The following TPRG1 variants were observed in gnomAD, a reference collection of about 807,000 sequenced individuals.
TPRG1 encodes tumor protein p63 regulated 1, also known as tumor protein p63-regulated gene 1 protein.
A neutral mutation model predicts 29.3 loss-of-function variants in TPRG1; 29 were observed. The ratio of observed to expected loss-of-function variants is 0.99; its 90% CI spans 0.74 to 1.35. TPRG1 has a LOEUF of 1.35. Among genes scored for constraint, TPRG1 ranks in the 40% most tolerant of loss-of-function variants. TPRG1 has a pLI of 0.00. For missense variants in TPRG1, 327 were observed against 335.0 expected, an observed-to-expected ratio of 0.98 and a Z score of 0.19; for synonymous variants, 130 against 116.8, an observed-to-expected ratio of 1.11 and a Z score of -0.73.
intron 1 of TPRG1, among the ~76,000 whole-genome samples, chr3:189,117,508 A>T (rs1721318838): frequency 6.6e-6 from 1 of 152,192 alleles, no homozygotes; most frequent in South Asian, 2.1e-4. Flanking sequence ...GATAGAAGAA[A>T]CCAGCACTTT....
intron 3 of TPRG1, among the ~76,000 whole-genome samples, chr3:189,143,673 C>T (rs1208361758): frequency 6.6e-6 from 1 of 152,186 alleles, no homozygotes; most frequent in Non-Finnish European, 1.5e-5. Flanking sequence ...ATCCCTTGGT[C>T]TTTTACTCAG....
chr3:189,236,955 G>T (rs1739573522), intron 3 of TPRG1, among the ~76,000 whole-genome samples: 3 of 152,160 alleles, frequency 2.0e-5, no homozygotes, highest in Admixed American at 6.5e-5. Flanking sequence ...AATAGTAACA[G>T]CTAACTTATA....
Position 189,323,902 on chromosome 3 carries a change from C to T in TPRG1, c.*3082C>T, listed in dbSNP as rs1021201379. 3 of 152,134 alleles carry T rather than the reference C, an allele frequency of 2.0e-5. No individual in the cohort carries two copies. The allele number at this position is 152,134 out of a possible 1,614,324, so 9.4% of individuals were successfully genotyped here. A position where few individuals can be genotyped will look rare whatever the true frequency, so the allele number is the denominator to read the frequency against. On this transcript the variant is annotated 3_prime_UTR_variant, in exon 6 of 6. Transcript: ENST00000345063. Reference sequence around the variant, plus strand: ...CTGATAAGCTTTATTTCAGAAACTGCTTGAACAGCTCCACTGACAAATGCC... The same window carrying T: ...CTGATAAGCTTTATTTCAGAAACTGTTTGAACAGCTCCACTGACAAATGCC...
At chr3:189,156,759 T>C (rs945931152) in intron 5 of TPRG1, among the ~76,000 whole-genome samples, 2 of 152,200 alleles carry the variant, frequency 1.3e-5, no homozygotes, top group Admixed American at 6.5e-5. Flanking sequence ...TGTTCTTTGA[T>C]GGTAGCAGGC....
At chr3:189,197,458 C>A (rs1327554239) in intron 1 of TPRG1, among the ~76,000 whole-genome samples, 6 of 152,114 alleles carry the variant, frequency 3.9e-5, no homozygotes, top group Non-Finnish European at 8.8e-5. Flanking sequence ...ATTCTACTCC[C>A]CAGAATTCCA....
At chr3:189,217,922 A>G (rs1411162341) in intron 3 of TPRG1, 5 of 985,336 alleles carry the variant, frequency 5.1e-6, no homozygotes, top group Admixed American at 1.2e-4. Flanking sequence ...TGAGAACACA[A>G]AAACAAAAAT....
chr3:189,006,828 G>A (rs982913687), intron 3 of TPRG1, among the ~76,000 whole-genome samples: 2 of 152,256 alleles, frequency 1.3e-5, no homozygotes, highest in African/African-American at 4.8e-5. Flanking sequence ...TTGGAATACA[G>A]CCAGGCACAT....
exon 5 of TPRG1, chr3:189,150,790 C>A (rs967489846): frequency 1.3e-5 from 2 of 152,174 alleles, no homozygotes; most frequent in Admixed American, 6.6e-5. Flanking sequence ...ATGCAAGGCT[C>A]TCCACGTACT....
intron 3 of TPRG1, among the ~76,000 whole-genome samples, chr3:189,221,699 G>C (rs1289176901): frequency 1.3e-5 from 2 of 152,214 alleles, no homozygotes; most frequent in Non-Finnish European, 2.9e-5. Flanking sequence ...CTGTTTTCCA[G>C]GCACAGGGTT....
At chr3:189,303,136 T>C (rs1313032782) in intron 4 of TPRG1, among the ~76,000 whole-genome samples, 1 of 152,158 alleles carries the variant, frequency 6.6e-6, no homozygotes. Flanking sequence ...CAGTCTATAT[T>C]TGGTGAATTT....
chr3:189,034,810 A>T (rs1330133663), intron 4 of TPRG1, among the ~76,000 whole-genome samples: 1 of 152,206 alleles, frequency 6.6e-6, no homozygotes, highest in Admixed American at 6.5e-5. Flanking sequence ...ATGGAAAAAC[A>T]TTCCATGCTC....
intron 4 of TPRG1, among the ~76,000 whole-genome samples, chr3:189,078,089 C>CTT (rs1311546393): frequency 5.0e-4 from 56 of 111,144 alleles, no homozygotes; most frequent in African/African-American, 1.5e-3. Context: ...TTCTCTCTTT[C>CTT]TCTCTTTCTT....
chr3:189,310,834 A>G (rs1722371844), intron 5 of TPRG1, among the ~76,000 whole-genome samples: 1 of 152,068 alleles, frequency 6.6e-6, no homozygotes, highest in African/African-American at 2.4e-5. Context: ...TCCCACATAT[A>G]ATCACATTCT....
chr3:189,103,371 CA>C (rs1378840390), intron 1 of TPRG1, among the ~76,000 whole-genome samples: 1 of 152,124 alleles, frequency 6.6e-6, no homozygotes. Context: ...ATCACTATTA[CA>C]AAATTCTTAG....
chr3:189,257,284 G>A (rs1025344595), intron 4 of TPRG1, among the ~76,000 whole-genome samples: 3 of 152,178 alleles, frequency 2.0e-5, no homozygotes, highest in Non-Finnish European at 4.4e-5. Context: ...GGCTGGATAT[G>A]AAATTCTGGG....
At chr3:189,039,841 A>ATTT (rs5855238) in intron 4 of TPRG1, among the ~76,000 whole-genome samples, 24 of 148,940 alleles carry the variant, frequency 1.6e-4, no homozygotes, top group African/African-American at 5.6e-4. Context: ...TCTCACTCCT[A>ATTT]TTTTTTTTTT....
At chr3:189,247,433 T>C (rs9831552) in intron 4 of TPRG1, among the ~76,000 whole-genome samples, 103,316 of 151,784 alleles carry the variant, frequency 0.68, 35,883 homozygotes, top group African/African-American at 0.77. Flanking sequence ...ATAATTTCAA[T>C]CTCTTGTTCA....
intron 5 of TPRG1, among the ~76,000 whole-genome samples, chr3:189,317,847 C>T (rs1284025252): frequency 6.6e-6 from 1 of 152,092 alleles, no homozygotes; most frequent in Non-Finnish European, 1.5e-5. Context: ...TATGTGTGTG[C>T]ATATATCTGC....
At chr3:189,174,200 G>C (rs1377277459) in intron 1 of TPRG1, among the ~76,000 whole-genome samples, 1 of 152,224 alleles carries the variant, frequency 6.6e-6, no homozygotes, top group African/African-American at 2.4e-5. Flanking sequence ...TTGCAGAGCA[G>C]CAGCCACAGG....
Sources: gnomAD v4.1 joint callset for allele counts (sites outside exome capture counted in the v4.1 genomes callset) on GRCh38, gnomAD v4.1.1 for gene constraint, MANE v1.5 for transcripts, NCBI Gene and HGNC (gene_info 2026-07-23, HGNC 2026-07-21) for gene names.